The following CWF19L1 variants were observed in gnomAD, a reference collection of about 807,000 sequenced individuals.
CWF19L1 encodes the protein CWF19 like cell cycle control factor 1.
CWF19L1 carries 60 observed loss-of-function variants against 69.7 expected under a neutral mutation model. The ratio of observed to expected loss-of-function variants is 0.86; its 90% CI spans 0.70 to 1.07. The LOEUF (loss-of-function observed/expected upper bound fraction) is 1.07, where lower values mean the gene tolerates loss of function less well. Among genes scored for constraint, CWF19L1 ranks in the 50% least tolerant of loss-of-function variants. The pLI, the probability that CWF19L1 is intolerant of heterozygous loss-of-function variation, is 0.00. For synonymous variants in CWF19L1, 209 were observed against 222.2 expected, an observed-to-expected ratio of 0.94 and a Z score of 0.53; for missense variants, 591 against 638.9, an observed-to-expected ratio of 0.92 and a Z score of 0.81.
At chr10:100,261,102 T>C (rs113976199) in intron 2 of CWF19L1, 58 bp from the exon 3 acceptor site, 34 of 1,104,624 alleles carry the variant, frequency 3.1e-5, no homozygotes, top group African/African-American at 2.2e-4. Context: ...CAGTACATAA[T>C]TGATAGTAAT....
intron 9 of CWF19L1, 84 bp downstream of exon 9, chr10:100,245,715 T>C: frequency 1.0e-6 from 1 of 956,990 alleles, no homozygotes; most frequent in Non-Finnish European, 1.7e-6. Flanking sequence ...CAGAAGAGGC[T>C]CTCTTAGCAA....
In CWF19L1 at chr10:100,233,365, G is replaced by C. The variant is rs201539553; in HGVS notation, c.1479C>G (p.Val493=). 1.9e-5 allele frequency: 30 copies of C among 1,611,910 alleles called. No individual in the cohort carries two copies. The highest frequency in any genetic ancestry group is 2.4e-5 in the Non-Finnish European group (28 of 1,179,146). ...CATTAAGGATGGCTTCACTGGCCAG[G>C]ACCTCCCTGCAGAAATAGCACAAAG... is the stretch of plus-strand genomic sequence containing the variant. ...KNFPLQFGRE[V]LASEAILNVP... is the part of the protein sequence containing the mutation. Residue 493 remains valine, a synonymous_variant, in exon 14 of 14, where the codon GTC becomes GTG. Transcript: ENST00000354105.
chr10:100,264,913 G>C (rs989239352), intron 1 of CWF19L1, among the ~76,000 whole-genome samples: 1 of 152,060 alleles, frequency 6.6e-6, no homozygotes, highest in African/African-American at 2.4e-5. Context: ...TTGAGCCCAG[G>C]AGTTCAAGAC....
rs1384147773 is a variant in CWF19L1 at position 100,238,192 on chromosome 10, G to A, written c.1084C>T (p.His362Tyr). 1 of 1,614,042 alleles carries A rather than the reference G, an allele frequency of 6.2e-7. No homozygotes were observed. Among genetic ancestry groups the A allele is most frequent in the Non-Finnish European group, 8.5e-7 (1 of 1,180,036 alleles). ...ALAKGGLSDD[H>Y]VLILPIGHYQ... ...TGTCCAATAGGCAGGATGAGGACAT[G>A]GTCATCAGATAAGCCTCCTTTGGCC... Residue 362 changes from histidine to tyrosine, a missense_variant, in exon 11 of 14, where the codon CAT (histidine) becomes TAT (tyrosine). By Grantham distance (83) the His-to-Tyr change is moderately conservative. Transcript: ENST00000354105.
At chr10:100,248,610 G>A in intron 7 of CWF19L1, 8 of 744,596 alleles carry the variant, frequency 1.1e-5, no homozygotes, top group South Asian at 1.0e-4. Context: ...ATAAGCGTGT[G>A]CTGCTGTCCA....
At chr10:100,261,840 A>T in intron 2 of CWF19L1, 139 bp downstream of exon 2, 1 of 628,772 alleles carries the variant, frequency 1.6e-6, no homozygotes, top group Non-Finnish European at 2.7e-6. Flanking sequence ...CTCAGCAGCT[A>T]CTAAGTTCCT....
intron 1 of CWF19L1, 103 bp from the exon 2 acceptor site, chr10:100,262,166 C>A: frequency 6.9e-7 from 1 of 1,448,674 alleles, no homozygotes; most frequent in Non-Finnish European, 9.1e-7. Flanking sequence ...ATGATCTAGT[C>A]TCTCTGCAGT....
intron 7 of CWF19L1, chr10:100,248,227 G>C: frequency 2.5e-6 from 2 of 795,588 alleles, no homozygotes; most frequent in South Asian, 2.8e-5. Context: ...GGTCAGAGTG[G>C]AAGCAGGTAT....
At chr10:100,264,930 G>C (rs927379745) in intron 1 of CWF19L1, among the ~76,000 whole-genome samples, 1 of 152,000 alleles carries the variant, frequency 6.6e-6, no homozygotes, top group Non-Finnish European at 1.5e-5. Context: ...AGACCAGCCT[G>C]GGTAACATAG....
intron 10 of CWF19L1, among the ~76,000 whole-genome samples, chr10:100,241,250 C>G (rs1178370032): frequency 6.6e-6 from 1 of 152,048 alleles, no homozygotes; most frequent in Non-Finnish European, 1.5e-5. Flanking sequence ...CGTGATCCAC[C>G]TGCCTCAGCT....
intron 1 of CWF19L1, among the ~76,000 whole-genome samples, chr10:100,263,213 A>G (rs1436057838): frequency 2.0e-5 from 3 of 152,342 alleles, no homozygotes; most frequent in African/African-American, 7.2e-5. Context: ...CCCACTGCCT[A>G]TAGAACCACA....
chr10:100,233,166 T>TAAA lies in CWF19L1; in HGVS notation c.*58_*60dup. The TAAA allele has an allele frequency of 2.3e-6, 3 of 1,302,972 alleles. No homozygotes were observed. Among genetic ancestry groups the TAAA allele is most frequent in the African/African-American group, 1.6e-5 (1 of 61,894 alleles). 80.7% of individuals were successfully genotyped at this position (1,302,972 alleles called of 1,614,324 possible). On this transcript the variant is annotated 3_prime_UTR_variant, in exon 14 of 14. Transcript: ENST00000354105. ...TTGTCTCAAAAAAAATTCTTTTAATTAAAAAAAAAAAAAAGCTTTACTACT... is the reference window on the plus strand; with the variant it reads ...TTGTCTCAAAAAAAATTCTTTTAATTAAAAAAAAAAAAAAAAAGCTTTACTACT...
chr10:100,245,994 C>T, intron 8 of CWF19L1, 81 bp from the exon 9 acceptor site: 3 of 964,386 alleles, frequency 3.1e-6, no homozygotes, highest in Non-Finnish European at 4.9e-6. Context: ...TACAAGGGAA[C>T]ATTCCTGCCA....
intron 10 of CWF19L1, among the ~76,000 whole-genome samples, chr10:100,242,445 G>A (rs1053250868): frequency 3.3e-5 from 5 of 152,128 alleles, no homozygotes; most frequent in South Asian, 2.1e-4. Context: ...AGGCTGAGGC[G>A]GGCAGATCAC....
chr10:100,233,235 C>T lies in CWF19L1; in HGVS notation c.1609G>A (p.Asp537Asn). ...AAGTTCTTCCCTTTGTTTTAGTCATCCAGAGTAAAGTCATAGGGCTCAAAG... is the reference window on the plus strand; with the variant it reads ...AAGTTCTTCCCTTTGTTTTAGTCATTCAGAGTAAAGTCATAGGGCTCAAAG... The part of the protein sequence containing the change: ...KDFEPYDFTL[D>N]D Residue 537 changes from aspartate (D) to asparagine (N), a missense_variant, in exon 14 of 14, where the codon GAT becomes AAT. Coordinates refer to ENST00000354105, the MANE Select transcript of CWF19L1 (RefSeq NM_018294.6). The T allele has an allele frequency of 6.2e-7, 1 of 1,609,760 alleles. No homozygotes were observed. Among genetic ancestry groups the T allele is most frequent in the Non-Finnish European group, 8.5e-7 (1 of 1,177,810 alleles).
intron 5 of CWF19L1, among the ~76,000 whole-genome samples, chr10:100,254,954 T>G (rs1385869344): frequency 6.6e-6 from 1 of 152,188 alleles, no homozygotes; most frequent in Non-Finnish European, 1.5e-5. Flanking sequence ...TGTTGGCCTT[T>G]TTGGTCATGG....
intron 10 of CWF19L1, among the ~76,000 whole-genome samples, chr10:100,242,673 C>CA (rs397844633): frequency 0.022 from 1,980 of 88,486 alleles, 24 homozygotes; most frequent in Middle Eastern, 0.051. Context: ...GACTCCATCT[C>CA]AAAAAAAAAA....
intron 3 of CWF19L1, 71 bp downstream of exon 3, chr10:100,260,891 AAAAC>A: frequency 1.1e-6 from 1 of 924,526 alleles, no homozygotes. Context: ...TAAATAATGA[AAAAC>A]AACTCTGCAA....
At chr10:100,248,444 A>G (rs1846904970) in intron 7 of CWF19L1, 2 of 690,812 alleles carry the variant, frequency 2.9e-6, no homozygotes. Flanking sequence ...TTCCATGGGT[A>G]CACAAACCTA....
Sources: allele counts gnomAD v4.1 joint callset (sites outside exome capture counted in the v4.1 genomes callset), GRCh38; gene constraint gnomAD v4.1.1; transcripts MANE v1.5; gene names NCBI Gene and HGNC (gene_info 2026-07-23, HGNC 2026-07-21).